Variants in ANK3 observed in about 807,000 individuals in gnomAD.
The protein encoded by ANK3 is ankyrin-3.
ANK3 carries 57 observed loss-of-function variants against 370.9 expected under a neutral mutation model. The observed-to-expected ratio is 0.15, with a 90% CI of 0.12 to 0.19. ANK3 has a LOEUF of 0.19. ANK3 is among the 10% of genes least tolerant of loss of function. The pLI is 1.00. For synonymous variants in ANK3, 1,929 were observed against 1,946.3 expected (o/e 0.99, Z 0.23); for missense variants, 4,439 against 5,302.1 (o/e 0.84, Z 5.06).
intron 2 of ANK3, among the ~76,000 whole-genome samples, chr10:60,543,902 A>G (rs770883263): frequency 1.3e-5 from 2 of 151,140 alleles, no homozygotes; most frequent in Non-Finnish European, 3.0e-5. Flanking sequence ...CTTCTATAGG[A>G]CATAGAGTTT....
At chr10:60,559,736 C>T (rs1297389303) in intron 2 of ANK3, among the ~76,000 whole-genome samples, 1 of 152,068 alleles carries the variant, frequency 6.6e-6, no homozygotes, top group Non-Finnish European at 1.5e-5. Flanking sequence ...GAAGAATCTC[C>T]ATGTTAAAGA....
intron 28 of ANK3, among the ~76,000 whole-genome samples, chr10:60,098,960 G>A (rs973712740): frequency 6.6e-6 from 1 of 152,076 alleles, no homozygotes; most frequent in Non-Finnish European, 1.5e-5. Context: ...TATAATTTCT[G>A]ACAATCATAT....
chr10:60,483,441 G>A (rs10994371), intron 2 of ANK3, among the ~76,000 whole-genome samples: 1,718 of 152,078 alleles, frequency 0.011, 29 homozygotes, highest in African/African-American at 0.039. Flanking sequence ...ACTACTTGTC[G>A]TTTTGCAACC....
intron 1 of ANK3, among the ~76,000 whole-genome samples, chr10:60,317,678 A>T (rs575673982): frequency 6.6e-6 from 1 of 151,696 alleles, no homozygotes; most frequent in East Asian, 2.0e-4. Flanking sequence ...GATGAGTTGT[A>T]GCTATGGCCC....
chr10:60,615,101 AT>A, intron 2 of ANK3: 3 of 871,794 alleles, frequency 3.4e-6, no homozygotes, highest in Non-Finnish European at 4.9e-6. Context: ...TAAATAATTC[AT>A]TCAACTCTAT....
At chr10:60,697,877 T>A (rs999555002) in intron 1 of ANK3, among the ~76,000 whole-genome samples, 2 of 151,326 alleles carry the variant, frequency 1.3e-5, no homozygotes, top group African/African-American at 4.8e-5. Context: ...CCAAAAGCAA[T>A]GGCAACAAAA....
intron 1 of ANK3, among the ~76,000 whole-genome samples, chr10:60,715,979 T>C (rs2079782178): frequency 6.6e-6 from 1 of 152,174 alleles, no homozygotes; most frequent in African/African-American, 2.4e-5. Context: ...GTGTTTCAAG[T>C]GGATGCCTTT....
At chr10:60,037,191 C>T (rs1021920260) in intron 43 of ANK3, among the ~76,000 whole-genome samples, 1 of 152,180 alleles carries the variant, frequency 6.6e-6, no homozygotes, top group African/African-American at 2.4e-5. Flanking sequence ...AAGTTCCTAA[C>T]TGGTTACCTT....
intron 1 of ANK3, among the ~76,000 whole-genome samples, chr10:60,352,743 G>A (rs746866326): frequency 7.2e-5 from 11 of 152,290 alleles, no homozygotes; most frequent in Admixed American, 3.3e-4. Flanking sequence ...AGTAGAAGAT[G>A]TAAGTGTTGA....
In ANK3 at chr10:60,400,761, C is replaced by A. The variant is rs149857759; in HGVS notation, c.97-121122G>T. ...ATGTGCAGGATGTGTAGGTTTGTTA[C>A]ACAGGTAAACGTGTGCCATGGTGGT... On this transcript the variant is annotated intron_variant, in intron 2 of 43. Coordinates refer to the ANK3 transcript ENST00000373827. 4.9e-3 allele frequency among the ~76,000 whole-genome samples: 745 copies of A among 152,098 alleles called. 3 individuals carry two copies. The highest frequency in any genetic ancestry group is 0.017 in the African/African-American group (724 of 41,470).
At chr10:60,379,908 T>C (rs1321966564) in intron 1 of ANK3, among the ~76,000 whole-genome samples, 1 of 152,106 alleles carries the variant, frequency 6.6e-6, no homozygotes, top group Non-Finnish European at 1.5e-5. Context: ...ATGATAAATA[T>C]GCTAATTATC....
chr10:60,695,804 G>C (rs946187780), intron 1 of ANK3, among the ~76,000 whole-genome samples: 11 of 152,170 alleles, frequency 7.2e-5, no homozygotes, highest in African/African-American at 2.4e-4. Flanking sequence ...AAGCAGGAAA[G>C]ATCCAAAATT....
intron 1 of ANK3, among the ~76,000 whole-genome samples, chr10:60,628,288 C>G (rs184132476): frequency 6.6e-6 from 1 of 152,228 alleles, no homozygotes; most frequent in East Asian, 1.9e-4. Flanking sequence ...TCTCATTTTA[C>G]CTGAAGCTAC....
chr10:60,373,391 G>A (rs1482484639), intron 1 of ANK3, among the ~76,000 whole-genome samples: 1 of 152,174 alleles, frequency 6.6e-6, no homozygotes, highest in Non-Finnish European at 1.5e-5. Flanking sequence ...GGGAGTTGAA[G>A]AGAGATAAAA....
At chr10:60,044,615 G>A (rs1369100867) in intron 42 of ANK3, 2 of 152,378 alleles carry the variant, frequency 1.3e-5, no homozygotes, top group East Asian at 3.8e-4. Flanking sequence ...ATAGGATGCA[G>A]TTACACACTG....
intron 28 of ANK3, among the ~76,000 whole-genome samples, chr10:60,093,014 G>A (rs917612012): frequency 1.3e-5 from 2 of 152,210 alleles, no homozygotes; most frequent in Non-Finnish European, 2.9e-5. Flanking sequence ...GGGATTACAG[G>A]TGTGAGCCAC....
intron 7 of ANK3, among the ~76,000 whole-genome samples, chr10:60,236,185 A>G (rs2097330113): frequency 6.6e-6 from 1 of 152,128 alleles, no homozygotes. Context: ...TAAGAAGAGG[A>G]GAAAGAAAAT....
chr10:60,569,452 T>A (rs2077540095), intron 2 of ANK3, among the ~76,000 whole-genome samples: 1 of 152,178 alleles, frequency 6.6e-6, no homozygotes, highest in Non-Finnish European at 1.5e-5. Context: ...CCAGGTCTCT[T>A]CAAGCAAATC....
At chr10:60,377,331 G>A (rs1384195817) in intron 1 of ANK3, among the ~76,000 whole-genome samples, 2 of 152,208 alleles carry the variant, frequency 1.3e-5, no homozygotes, top group Non-Finnish European at 2.9e-5. Context: ...GTTACTAGAA[G>A]AAAACAAAAT....
Sources: gnomAD v4.1 joint callset for allele counts (sites outside exome capture counted in the v4.1 genomes callset) on GRCh38, gnomAD v4.1.1 for gene constraint, MANE v1.5 for transcripts, NCBI Gene and HGNC (gene_info 2026-07-23, HGNC 2026-07-21) for gene names.